NAALADL2: variants seen among roughly 807,000 people sequenced by gnomAD.
NAALADL2 encodes inactive N-acetylated-alpha-linked acidic dipeptidase-like protein 2.
In NAALADL2, 76 loss-of-function variants were observed where a neutral mutation model predicts 87.2. That is an observed-to-expected ratio of 0.87 (90% CI 0.72 to 1.05). NAALADL2 has a LOEUF of 1.05. Among genes scored for constraint, NAALADL2 ranks in the 50% least tolerant of loss-of-function variants. The probability of loss-of-function intolerance (pLI) is 0.00; values close to 1 mark genes in which losing one functional copy is unlikely to be tolerated. For synonymous variants in NAALADL2, 354 were observed against 331.0 expected, an observed-to-expected ratio of 1.07 and a Z score of -0.75; for missense variants, 1,089 against 945.8, an observed-to-expected ratio of 1.15 and a Z score of -1.99.
chr3:174,837,269 G>A (rs968420959), intron 3 of NAALADL2, among the ~76,000 whole-genome samples: 28 of 152,152 alleles, frequency 1.8e-4, no homozygotes, highest in Admixed American at 1.8e-3. Context: ...GAAAAGAGAA[G>A]AGAAAATTCA....
chr3:174,728,377 G>A (rs1732401404), intron 2 of NAALADL2, among the ~76,000 whole-genome samples: 1 of 152,014 alleles, frequency 6.6e-6, no homozygotes, highest in Admixed American at 6.6e-5. Context: ...CTGATAGTTG[G>A]AAGGAATGGA....
chr3:175,454,521 G>C (rs1722048318), intron 6 of NAALADL2, among the ~76,000 whole-genome samples: 1 of 151,890 alleles, frequency 6.6e-6, no homozygotes, highest in Non-Finnish European at 1.5e-5. Flanking sequence ...GGTAAGCCCA[G>C]GACTTTGTCT....
chr3:175,213,928 G>A (rs535902280), intron 2 of NAALADL2, among the ~76,000 whole-genome samples: 2 of 152,070 alleles, frequency 1.3e-5, no homozygotes, highest in South Asian at 2.1e-4. Flanking sequence ...CTACACCTGT[G>A]GACTGTAAGA....
intron 5 of NAALADL2, among the ~76,000 whole-genome samples, chr3:175,349,212 A>AAG (rs1224701271): frequency 6.6e-6 from 1 of 151,740 alleles, no homozygotes; most frequent in African/African-American, 2.4e-5. Context: ...GCTATTAAAA[A>AAG]AAAAAAAAAA....
chr3:175,092,508 T>C (rs755826040), intron 1 of NAALADL2, among the ~76,000 whole-genome samples: 1 of 151,684 alleles, frequency 6.6e-6, no homozygotes, highest in Admixed American at 6.6e-5. Flanking sequence ...TGTGTTAGGC[T>C]AGGTCTGCAG....
In NAALADL2 at chr3:175,788,087, TG is replaced by T. The variant is rs376312091; in HGVS notation, c.2190-14917del. On this transcript the variant is annotated intron_variant, in intron 13 of 13. Coordinates refer to ENST00000454872, the MANE Select transcript of NAALADL2 (RefSeq NM_207015.3). ...TTACACAGGTGTACAGTTTTTTACC[TG>T]TTTTTTTTTTTTTTTTTTTTTTGAG... is the stretch of plus-strand genomic sequence containing the variant. Among the ~76,000 whole-genome samples, 485 of 134,818 alleles carry T rather than the reference TG, an allele frequency of 3.6e-3. 2 individuals carry two copies. Among genetic ancestry groups the T allele is most frequent in the African/African-American group, 0.014 (454 of 33,550 alleles). The allele number at this position is 134,818 out of a possible 152,430, so 88.4% of individuals were successfully genotyped here. A position where few individuals can be genotyped will look rare whatever the true frequency, so the allele number is the denominator to read the frequency against.
At chr3:174,481,270 G>C (rs1443359604) in intron 1 of NAALADL2, among the ~76,000 whole-genome samples, 1 of 151,982 alleles carries the variant, frequency 6.6e-6, no homozygotes, top group Non-Finnish European at 1.5e-5. Context: ...AAGATTCTTG[G>C]ATAGGTAATG....
intron 3 of NAALADL2, among the ~76,000 whole-genome samples, chr3:174,746,048 C>T (rs1734221331): frequency 1.3e-5 from 2 of 152,148 alleles, no homozygotes; most frequent in South Asian, 4.1e-4. Context: ...CTTACCACTC[C>T]TATTCAACAC....
chr3:175,002,366 A>G (rs1332518567), intron 1 of NAALADL2, among the ~76,000 whole-genome samples: 1 of 152,214 alleles, frequency 6.6e-6, no homozygotes, highest in African/African-American at 2.4e-5. Context: ...ATATGACCTA[A>G]AAAGCAAAAG....
chr3:175,627,251 G>C, intron 10 of NAALADL2, 40 bp from the exon 11 acceptor site: 1 of 1,450,592 alleles, frequency 6.9e-7, no homozygotes, highest in Non-Finnish European at 9.4e-7. Context: ...AAACAAAATC[G>C]ATAAAGAGTT....
At chr3:175,525,955 G>C (rs144819076) in intron 9 of NAALADL2, among the ~76,000 whole-genome samples, 6 of 152,158 alleles carry the variant, frequency 3.9e-5, no homozygotes, top group African/African-American at 1.4e-4. Context: ...GCCAAGTTCC[G>C]TTGGGAAAGT....
intron 3 of NAALADL2, among the ~76,000 whole-genome samples, chr3:174,825,922 G>A (rs889896334): frequency 6.6e-6 from 1 of 152,090 alleles, no homozygotes; most frequent in Non-Finnish European, 1.5e-5. Flanking sequence ...AGCTACTCAG[G>A]AGGCTGAGGC....
At chr3:174,859,077 A>T (rs1726163668), upstream of NAALADL2, among the ~76,000 whole-genome samples, 1 of 152,136 alleles carries the variant, frequency 6.6e-6, no homozygotes, top group Admixed American at 6.6e-5. Flanking sequence ...TACTGGTAAT[A>T]TCAATGCTCT....
chr3:174,810,697 G>A lies in NAALADL2; in HGVS notation c.-9+72951G>A, dbSNP rs376873068. The stretch of plus-strand genomic sequence containing the variant: ...TGCAGCCTGGCCATGTGGTAAAAAA[G>A]AAAAGCTCATTTTCCGGGTGGAGAT... On this transcript the variant is annotated intron_variant, in intron 3 of 3. Transcript: ENST00000434257. Among the ~76,000 whole-genome samples the A allele has an allele frequency of 3.9e-5, 6 of 152,026 alleles. No individual in the cohort carries two copies. In the South Asian group the frequency reaches 1.2e-3, roughly 32 times the overall value.
At chr3:175,209,042 A>T (rs1169692080) in intron 2 of NAALADL2, among the ~76,000 whole-genome samples, 2 of 152,274 alleles carry the variant, frequency 1.3e-5, no homozygotes, top group East Asian at 1.9e-4. Context: ...AAAAAGCAAA[A>T]GCTTTGTTTA....
chr3:174,922,428 G>T (rs1055267455), intron 1 of NAALADL2, among the ~76,000 whole-genome samples: 4 of 151,756 alleles, frequency 2.6e-5, no homozygotes, highest in African/African-American at 9.7e-5. Context: ...CACTCAATCT[G>T]CTTCCTGTAA....
chr3:175,515,441 T>C (rs574072345), intron 9 of NAALADL2, among the ~76,000 whole-genome samples: 4 of 152,310 alleles, frequency 2.6e-5, no homozygotes, highest in Non-Finnish European at 4.4e-5. Flanking sequence ...CTTATGATTA[T>C]TGATCCTAGC....
At chr3:175,374,143 C>T (rs898552914) in intron 5 of NAALADL2, among the ~76,000 whole-genome samples, 2 of 151,858 alleles carry the variant, frequency 1.3e-5, no homozygotes, top group Non-Finnish European at 2.9e-5. Context: ...TTTAGAGTTT[C>T]GATAAAAGAT....
chr3:174,518,758 G>A (rs1223328702), intron 1 of NAALADL2, among the ~76,000 whole-genome samples: 1 of 152,136 alleles, frequency 6.6e-6, no homozygotes, highest in Admixed American at 6.6e-5. Context: ...GACTTGATGT[G>A]TGAAAAAGAA....
Sources: allele counts gnomAD v4.1 joint callset (sites outside exome capture counted in the v4.1 genomes callset), GRCh38; gene constraint gnomAD v4.1.1; transcripts MANE v1.5; gene names NCBI Gene and HGNC (gene_info 2026-07-23, HGNC 2026-07-21).